Variants in VMP1 observed in about 807,000 individuals in gnomAD.
The protein encoded by VMP1 is vacuole membrane protein 1.
In VMP1, 11 loss-of-function variants were observed where a neutral mutation model predicts 56.0. That is an observed-to-expected ratio of 0.20 (90% CI 0.12 to 0.32). VMP1 has a LOEUF of 0.32. Ranked by LOEUF, VMP1 falls within the 10% of genes least tolerant of loss-of-function variation. The pLI, the probability that VMP1 is intolerant of heterozygous loss-of-function variation, is 1.00. For synonymous variants in VMP1, 149 were observed against 165.0 expected (o/e 0.90, Z 0.74); for missense variants, 296 against 490.3 (o/e 0.60, Z 3.74).
intron 7 of VMP1, among the ~76,000 whole-genome samples, chr17:59,785,605 G>T (rs577400228): frequency 4.0e-5 from 6 of 149,952 alleles, no homozygotes; most frequent in Non-Finnish European, 8.8e-5. Context: ...AACGAGAATC[G>T]CTTGAACCCG....
intron 1 of VMP1, among the ~76,000 whole-genome samples, chr17:59,713,738 C>T (rs766837572): frequency 1.6e-5 from 2 of 122,442 alleles, no homozygotes; most frequent in African/African-American, 6.2e-5. Context: ...TTTAACAAAA[C>T]GGAGACTAAG....
chr17:59,771,030 G>T (rs2036404794), intron 6 of VMP1, among the ~76,000 whole-genome samples: 2 of 146,230 alleles, frequency 1.4e-5, no homozygotes, highest in African/African-American at 5.1e-5. Context: ...CCATAGCCTT[G>T]TGTATTTCTA....
At chr17:59,718,906 G>A (rs925706674) in intron 1 of VMP1, among the ~76,000 whole-genome samples, 1 of 151,754 alleles carries the variant, frequency 6.6e-6, no homozygotes, top group African/African-American at 2.4e-5. Context: ...ACATTATTAT[G>A]AATTTTCAGA....
intron 7 of VMP1, among the ~76,000 whole-genome samples, chr17:59,800,591 C>T (rs1474654878): frequency 6.6e-6 from 1 of 152,094 alleles, no homozygotes; most frequent in Non-Finnish European, 1.5e-5. Context: ...ATTATTAGCT[C>T]AGTAGTTTTA....
intron 7 of VMP1, among the ~76,000 whole-genome samples, chr17:59,790,514 G>C (rs1191919728): frequency 6.6e-6 from 1 of 152,076 alleles, no homozygotes; most frequent in Non-Finnish European, 1.5e-5. Context: ...GTTTGGCCAG[G>C]CGTGGTGGCT....
intron 5 of VMP1, among the ~76,000 whole-genome samples, chr17:59,746,958 C>T (rs762106048): frequency 2.0e-5 from 3 of 152,110 alleles, no homozygotes; most frequent in African/African-American, 4.8e-5. Flanking sequence ...TCAGGTTCTC[C>T]AAAGACTGTG....
chr17:59,717,098 A>G (rs974058575), intron 1 of VMP1, among the ~76,000 whole-genome samples: 4 of 150,960 alleles, frequency 2.6e-5, no homozygotes, highest in Admixed American at 6.6e-5. Context: ...TCCTTCTTCA[A>G]CCTCCCGAGT....
chr17:59,808,288 T>A lies in VMP1; in HGVS notation c.715-508T>A, dbSNP rs572461756. On this transcript the variant is annotated intron_variant, in intron 7 of 11. Transcript: ENST00000262291. The stretch of plus-strand genomic sequence containing the variant: ...AGAATCGAAGGCTCAAATAAAATCA[T>A]GGTGAGAATGTTTTACAAAACTAGC... 1.3e-3 allele frequency among the ~76,000 whole-genome samples: 196 copies of A among 152,320 alleles called. 1 individual carries two copies. The highest frequency in any genetic ancestry group is 1.8e-3 in the Non-Finnish European group (124 of 68,026).
At chr17:59,720,804 T>C (rs8065615) in intron 1 of VMP1, among the ~76,000 whole-genome samples, 60,232 of 151,420 alleles carry the variant, frequency 0.4, 12,968 homozygotes, top group African/African-American at 0.55. Flanking sequence ...TGAAACTCCG[T>C]CTCTACTAAA....
In VMP1 at chr17:59,728,684, ATTAT is replaced by A. The variant is rs143800386; in HGVS notation, c.-26-2716_-26-2713del. ...CTAAATGAATGAATGAATAAATGAG[ATTAT>A]TTATTTATTTATTTATTTATAATCT... On this transcript the variant is annotated intron_variant, in intron 1 of 11. Coordinates refer to ENST00000262291, the MANE Select transcript of VMP1 (RefSeq NM_030938.5). 2.9e-3 allele frequency among the ~76,000 whole-genome samples: 439 copies of A among 151,292 alleles called. 4 individuals carry two copies. Among genetic ancestry groups the A allele is most frequent in the African/African-American group, 8.4e-3 (345 of 41,156 alleles).
At chr17:59,760,647 C>T (rs905843634) in intron 5 of VMP1, among the ~76,000 whole-genome samples, 3 of 151,998 alleles carry the variant, frequency 2.0e-5, no homozygotes, top group Non-Finnish European at 4.4e-5. Context: ...TTTGAGATGG[C>T]ATCTTGCTCT....
chr17:59,754,919 A>G (rs1211473894), intron 5 of VMP1, among the ~76,000 whole-genome samples: 1 of 152,104 alleles, frequency 6.6e-6, no homozygotes, highest in Non-Finnish European at 1.5e-5. Context: ...ATGAAAGCCA[A>G]GAAAATTTAG....
intron 5 of VMP1, among the ~76,000 whole-genome samples, chr17:59,758,746 C>A (rs1171432685): frequency 1.3e-5 from 2 of 151,952 alleles, no homozygotes; most frequent in Admixed American, 6.6e-5. Flanking sequence ...GTAGGAGGAT[C>A]CCCTGAGCCT....
chr17:59,788,887 T>C (rs892973821), intron 7 of VMP1, among the ~76,000 whole-genome samples: 12 of 151,586 alleles, frequency 7.9e-5, no homozygotes, highest in African/African-American at 2.7e-4. Context: ...TTTGCAGATA[T>C]GGCGGTGGAA....
At chr17:59,768,528 A>G (rs764880762) in intron 6 of VMP1, among the ~76,000 whole-genome samples, 1 of 151,840 alleles carries the variant, frequency 6.6e-6, no homozygotes, top group Non-Finnish European at 1.5e-5. Flanking sequence ...GCTTGAACCC[A>G]GGAGGTGGAG....
intron 7 of VMP1, among the ~76,000 whole-genome samples, chr17:59,806,924 A>G (rs1218637180): frequency 6.6e-6 from 1 of 151,854 alleles, no homozygotes; most frequent in East Asian, 1.9e-4. Flanking sequence ...TTTTTTTAAT[A>G]TAGTTTATTG....
chr17:59,815,483 C>G (rs1022083306), intron 9 of VMP1, among the ~76,000 whole-genome samples: 1 of 150,880 alleles, frequency 6.6e-6, no homozygotes, highest in East Asian at 1.9e-4. Context: ...TGTTGGTTCA[C>G]TGATGTATTA....
At chr17:59,781,995 GC>G (rs1423535629) in intron 7 of VMP1, among the ~76,000 whole-genome samples, 1 of 152,012 alleles carries the variant, frequency 6.6e-6, no homozygotes, top group Non-Finnish European at 1.5e-5. Context: ...TGCAACCTCT[GC>G]CTCCCGGGTT....
chr17:59,813,885 G>A (rs1204887059), intron 9 of VMP1, among the ~76,000 whole-genome samples: 1 of 152,024 alleles, frequency 6.6e-6, no homozygotes, highest in African/African-American at 2.4e-5. Context: ...TATCTGTAGT[G>A]GTAAGATATG....
Sources: allele counts gnomAD v4.1 joint callset (sites outside exome capture counted in the v4.1 genomes callset), GRCh38; gene constraint gnomAD v4.1.1; transcripts MANE v1.5; gene names NCBI Gene and HGNC (gene_info 2026-07-23, HGNC 2026-07-21).